Variants in PLCB1 observed in about 807,000 individuals in gnomAD.
PLCB1 encodes 1-phosphatidylinositol 4,5-bisphosphate phosphodiesterase beta-1.
In PLCB1, 46 loss-of-function variants were observed where a neutral mutation model predicts 161.8. That is an observed-to-expected ratio of 0.28 (90% CI 0.22 to 0.36). PLCB1 has a LOEUF of 0.36. Ranked by LOEUF, PLCB1 falls within the 10% of genes least tolerant of loss-of-function variation. The pLI is 1.00. For synonymous variants in PLCB1, 517 were observed against 503.7 expected, an observed-to-expected ratio of 1.03 and a Z score of -0.35; for missense variants, 1,016 against 1,472.5, an observed-to-expected ratio of 0.69 and a Z score of 5.07.
chr20:8,692,585 G>C (rs147594220), intron 10 of PLCB1, among the ~76,000 whole-genome samples: 1 of 152,308 alleles, frequency 6.6e-6, no homozygotes, highest in African/African-American at 2.4e-5. Context: ...ATGGCTTAAA[G>C]ATTTAAGCAG....
intron 2 of PLCB1, among the ~76,000 whole-genome samples, chr20:8,210,090 T>C (rs1568591175): frequency 6.6e-6 from 1 of 152,150 alleles, no homozygotes; most frequent in Non-Finnish European, 1.5e-5. Context: ...AGCCCAACTT[T>C]ATAAATATTT....
At chr20:8,337,619 T>TA (rs1302109511) in intron 2 of PLCB1, among the ~76,000 whole-genome samples, 1 of 152,212 alleles carries the variant, frequency 6.6e-6, no homozygotes, top group Non-Finnish European at 1.5e-5. Flanking sequence ...ACTTGTAAGA[T>TA]ACATCTGAAA....
At chr20:8,632,595 G>C (rs971026588) in intron 4 of PLCB1, among the ~76,000 whole-genome samples, 2 of 152,170 alleles carry the variant, frequency 1.3e-5, no homozygotes, top group African/African-American at 4.8e-5. Flanking sequence ...GCATTAAATA[G>C]GGTGGTCAGT....
At chr20:8,852,945 A>T in intron 31 of PLCB1, among the ~76,000 whole-genome samples, 1 of 152,166 alleles carries the variant, frequency 6.6e-6, no homozygotes, top group Non-Finnish European at 1.5e-5. Context: ...ATGTCAGTTT[A>T]CAGTGTGGCA....
At chr20:8,365,448 A>G (rs1986678098) in intron 2 of PLCB1, among the ~76,000 whole-genome samples, 1 of 152,324 alleles carries the variant, frequency 6.6e-6, no homozygotes, top group Non-Finnish European at 1.5e-5. Context: ...TGTGGAAATA[A>G]AGATGAAAAT....
intron 2 of PLCB1, among the ~76,000 whole-genome samples, chr20:8,306,172 T>C (rs1429593898): frequency 6.6e-6 from 1 of 152,234 alleles, no homozygotes; most frequent in African/African-American, 2.4e-5. Context: ...ATTGCTTCAC[T>C]GGGTTGCACT....
chr20:8,626,553 G>T (rs868746397), intron 3 of PLCB1, among the ~76,000 whole-genome samples: 7 of 152,254 alleles, frequency 4.6e-5, no homozygotes, highest in African/African-American at 1.4e-4. Context: ...AAAAGCCGGA[G>T]AATGAGTTGT....
intron 29 of PLCB1, 105 bp from the exon 30 acceptor site, chr20:8,789,413 A>G (rs1461285601): frequency 1.3e-6 from 1 of 788,432 alleles, no homozygotes; most frequent in East Asian, 2.5e-5. Context: ...GGAAAAAAGA[A>G]AAAGAATGTT....
At chr20:8,702,350 C>T (rs1978413656) in intron 11 of PLCB1, among the ~76,000 whole-genome samples, 1 of 152,162 alleles carries the variant, frequency 6.6e-6, no homozygotes, top group Admixed American at 6.5e-5. Context: ...TACCCACCTC[C>T]TTCCCAGGGT....
intron 31 of PLCB1, among the ~76,000 whole-genome samples, chr20:8,851,952 G>A (rs1366627112): frequency 1.3e-5 from 2 of 152,068 alleles, no homozygotes; most frequent in East Asian, 3.9e-4. Flanking sequence ...CATCAACAGT[G>A]GCATGGGTAA....
chr20:8,387,030 ATCT>A (rs1409688720), intron 3 of PLCB1, among the ~76,000 whole-genome samples: 4 of 152,190 alleles, frequency 2.6e-5, no homozygotes, highest in Non-Finnish European at 5.9e-5. Context: ...GGCTGGTTTG[ATCT>A]TCTATCCAGA....
intron 31 of PLCB1, among the ~76,000 whole-genome samples, chr20:8,856,168 G>C (rs532023914): frequency 6.6e-6 from 1 of 152,072 alleles, no homozygotes; most frequent in African/African-American, 2.4e-5. Context: ...CATGGTTATA[G>C]ATATACATGT....
At chr20:8,800,356 T>G (rs1251089304) in intron 31 of PLCB1, among the ~76,000 whole-genome samples, 1 of 152,230 alleles carries the variant, frequency 6.6e-6, no homozygotes, top group Non-Finnish European at 1.5e-5. Context: ...CTGTGTTTAT[T>G]ATAATCATTA....
At chr20:8,758,719 T>C (rs1981865895) in intron 24 of PLCB1, among the ~76,000 whole-genome samples, 1 of 152,268 alleles carries the variant, frequency 6.6e-6, no homozygotes, top group South Asian at 2.1e-4. Flanking sequence ...ATCCATCATT[T>C]AAATGTGTGA....
At chr20:8,802,063 G>A (rs541871782) in intron 31 of PLCB1, 1 of 1,595,992 alleles carries the variant, frequency 6.3e-7, no homozygotes, top group Non-Finnish European at 8.6e-7. Context: ...CAGGGGGAAG[G>A]TTCCTCCTCA....
chr20:8,669,582 A>G (rs191581198), intron 9 of PLCB1, among the ~76,000 whole-genome samples: 43 of 152,268 alleles, frequency 2.8e-4, no homozygotes, highest in Admixed American at 2.5e-3. Flanking sequence ...ACCTGTGTCA[A>G]CCCTTGAGTA....
chr20:8,400,101 T>C (rs1276946490), intron 3 of PLCB1, among the ~76,000 whole-genome samples: 1 of 152,194 alleles, frequency 6.6e-6, no homozygotes, highest in East Asian at 1.9e-4. Context: ...TCAGAAGTTT[T>C]CTGACATTGT....
chr20:8,780,745 TG>T, intron 27 of PLCB1, among the ~76,000 whole-genome samples: 1 of 151,978 alleles, frequency 6.6e-6, no homozygotes, highest in East Asian at 1.9e-4. Flanking sequence ...AGGTGCTGAG[TG>T]GGGGGTCTAG....
At chr20:8,881,283 G>A (rs986012622) in intron 31 of PLCB1, among the ~76,000 whole-genome samples, 3 of 151,770 alleles carry the variant, frequency 2.0e-5, no homozygotes, top group South Asian at 2.1e-4. Flanking sequence ...GGGATTACAC[G>A]TGTGAGCCAC....
Sources: gnomAD v4.1 joint callset for allele counts (sites outside exome capture counted in the v4.1 genomes callset) on GRCh38, gnomAD v4.1.1 for gene constraint, MANE v1.5 for transcripts, NCBI Gene and HGNC (gene_info 2026-07-23, HGNC 2026-07-21) for gene names.